The following LUZP2 variants were observed in gnomAD, a reference collection of about 807,000 sequenced individuals.
LUZP2 encodes leucine zipper protein 2.
In LUZP2, 52 loss-of-function variants were observed where a neutral mutation model predicts 51.6. The observed-to-expected ratio is 1.01, with a 90% confidence interval of 0.81 to 1.27. LUZP2 has a LOEUF of 1.27. Ranked by LOEUF, LUZP2 falls within the 50% of genes most tolerant of loss-of-function variation. The pLI is 0.00. For synonymous variants in LUZP2, 154 were observed against 137.3 expected (o/e 1.12, Z -0.85); for missense variants, 436 against 395.4 (o/e 1.10, Z -0.87).
chr11:24,626,304 C>T (rs775944240), intron 1 of LUZP2, among the ~76,000 whole-genome samples: 3 of 152,154 alleles, frequency 2.0e-5, no homozygotes, highest in Non-Finnish European at 4.4e-5. Flanking sequence ...GCCATCCTAT[C>T]ACCTGCAAAA....
chr11:24,910,537 A>C (rs1300660437), intron 6 of LUZP2, among the ~76,000 whole-genome samples: 3 of 152,194 alleles, frequency 2.0e-5, no homozygotes, highest in Non-Finnish European at 4.4e-5. Flanking sequence ...GCCACGGTAC[A>C]TCTCAGACCA....
chr11:24,771,770 T>A (rs1223014412), intron 5 of LUZP2, among the ~76,000 whole-genome samples: 1 of 152,106 alleles, frequency 6.6e-6, no homozygotes, highest in African/African-American at 2.4e-5. Flanking sequence ...TTCCCCGTAC[T>A]GTTCTCCCAG....
chr11:24,996,128 GT>G (rs1856490865), intron 9 of LUZP2, among the ~76,000 whole-genome samples: 1 of 150,794 alleles, frequency 6.6e-6, no homozygotes, highest in Non-Finnish European at 1.5e-5. Flanking sequence ...GTGTATCTGA[GT>G]TTTTTTCGGT....
intron 5 of LUZP2, among the ~76,000 whole-genome samples, chr11:24,900,591 C>T (rs74523939): frequency 2.6e-5 from 4 of 152,156 alleles, no homozygotes; most frequent in Non-Finnish European, 4.4e-5. Flanking sequence ...TTTCTCTATA[C>T]ATAGTGAAGT....
At chr11:24,833,712 G>GCGCACACACA (rs112834221) in intron 5 of LUZP2, among the ~76,000 whole-genome samples, 32 of 147,230 alleles carry the variant, frequency 2.2e-4, no homozygotes, top group African/African-American at 7.4e-4. Flanking sequence ...CCGCGCGCGC[G>GCGCACACACA]CACACACACA....
chr11:25,034,960 GA>G (rs1184660421), intron 9 of LUZP2, among the ~76,000 whole-genome samples: 1 of 151,978 alleles, frequency 6.6e-6, no homozygotes, highest in Non-Finnish European at 1.5e-5. Flanking sequence ...AATAGATACA[GA>G]AAAAGCTTCT....
chr11:24,667,901 T>C (rs10834417), intron 1 of LUZP2, among the ~76,000 whole-genome samples: 61,420 of 151,986 alleles, frequency 0.4, 12,658 homozygotes, highest in East Asian at 0.57. Flanking sequence ...AATGCAAACA[T>C]TGAAAGAATG....
At chr11:24,558,995 T>C (rs1368624829) in intron 1 of LUZP2, among the ~76,000 whole-genome samples, 2 of 152,134 alleles carry the variant, frequency 1.3e-5, no homozygotes, top group Non-Finnish European at 2.9e-5. Context: ...CTATCTGGAA[T>C]AAATTTTGGA....
rs1490365465 is a variant in LUZP2 at position 24,951,968 on chromosome 11, G to A, written c.523-24623G>A. Among the ~76,000 whole-genome samples the A allele has an allele frequency of 2.0e-5, 3 of 151,454 alleles. No individual in the cohort carries two copies. The Admixed American group carries it at 2.0e-4, about 10-fold the overall frequency. The stretch of plus-strand genomic sequence containing the variant: ...ACTATCACAATTTGCCTATTGACTG[G>A]CACATGGTAGATAATTGATACATAT... On this transcript the variant is annotated intron_variant, in intron 7 of 11. Coordinates refer to ENST00000336930, the MANE Select transcript of LUZP2 (RefSeq NM_001009909.4).
At chr11:24,577,832 A>T (rs1424565109) in intron 1 of LUZP2, among the ~76,000 whole-genome samples, 1 of 152,162 alleles carries the variant, frequency 6.6e-6, no homozygotes, top group Non-Finnish European at 1.5e-5. Flanking sequence ...TGCTGTGATT[A>T]TACAGTTAGC....
chr11:25,010,133 G>C (rs1402347614), intron 9 of LUZP2, among the ~76,000 whole-genome samples: 1 of 152,130 alleles, frequency 6.6e-6, no homozygotes, highest in Non-Finnish European at 1.5e-5. Flanking sequence ...GTCTAGCATA[G>C]TTAAGACCAA....
chr11:24,985,060 A>G (rs1353985140), intron 9 of LUZP2, among the ~76,000 whole-genome samples: 2 of 151,726 alleles, frequency 1.3e-5, no homozygotes, highest in Non-Finnish European at 3.0e-5. Flanking sequence ...AAATTTTCGT[A>G]TAAATTCTTA....
At chr11:24,814,705 A>C (rs941188228) in intron 5 of LUZP2, among the ~76,000 whole-genome samples, 1 of 152,138 alleles carries the variant, frequency 6.6e-6, no homozygotes, top group Non-Finnish European at 1.5e-5. Flanking sequence ...TTAAACAATC[A>C]GTATGTGCCG....
intron 5 of LUZP2, among the ~76,000 whole-genome samples, chr11:24,837,790 T>A (rs1326361810): frequency 6.6e-6 from 1 of 151,678 alleles, no homozygotes. Flanking sequence ...AATTTGTAGT[T>A]CTACATGCTC....
chr11:24,937,910 A>G (rs1418272971), intron 7 of LUZP2, among the ~76,000 whole-genome samples: 20 of 151,906 alleles, frequency 1.3e-4, no homozygotes, highest in Admixed American at 1.2e-3. Flanking sequence ...CAAAAAAAAA[A>G]AAAAGAAAGA....
rs1411923929 is a variant in LUZP2 at position 24,586,663 on chromosome 11, T to C, written c.62+89358T>C. On this transcript the variant is annotated intron_variant, in intron 1 of 11. Transcript: ENST00000336930. Reference sequence around the variant, plus strand: ...GTTTTGGATTATTAAGTTTAGGTACTCCATTTTGAATTAGATGGAAAACTG... The same window carrying C: ...GTTTTGGATTATTAAGTTTAGGTACCCCATTTTGAATTAGATGGAAAACTG... Among the ~76,000 whole-genome samples, 5 of 152,066 alleles carry C rather than the reference T, an allele frequency of 3.3e-5. No individual in the cohort carries two copies. In the East Asian group the frequency reaches 7.7e-4, roughly 23 times the overall value.
At chr11:24,738,849 C>T (rs1172696436) in intron 4 of LUZP2, among the ~76,000 whole-genome samples, 3 of 152,050 alleles carry the variant, frequency 2.0e-5, no homozygotes, top group Non-Finnish European at 4.4e-5. Context: ...ACCGTTTCAG[C>T]TCTTACTACG....
At chr11:24,500,840 A>G (rs1485923154) in intron 1 of LUZP2, among the ~76,000 whole-genome samples, 1 of 152,174 alleles carries the variant, frequency 6.6e-6, no homozygotes, top group Non-Finnish European at 1.5e-5. Flanking sequence ...ATCAGCAGTC[A>G]CACTACATGT....
chr11:24,804,793 A>G (rs1849804615), intron 5 of LUZP2, among the ~76,000 whole-genome samples: 1 of 152,072 alleles, frequency 6.6e-6, no homozygotes. Context: ...CCAAGGTGAC[A>G]TATTTTGGTG....
Sources: gnomAD v4.1 joint callset for allele counts (sites outside exome capture counted in the v4.1 genomes callset) on GRCh38, gnomAD v4.1.1 for gene constraint, MANE v1.5 for transcripts, NCBI Gene and HGNC (gene_info 2026-07-23, HGNC 2026-07-21) for gene names.